The following SGMS1 variants were observed in gnomAD, a reference collection of about 807,000 sequenced individuals.
SGMS1 encodes the protein phosphatidylcholine:ceramide cholinephosphotransferase 1.
Under a neutral mutation model 46.2 loss-of-function variants are expected in SGMS1, and 13 were observed. The observed-to-expected ratio is 0.28, with a 90% CI of 0.18 to 0.45. The LOEUF (loss-of-function observed/expected upper bound fraction) is 0.45, where lower values mean the gene tolerates loss of function less well. Ranked by LOEUF, SGMS1 falls within the 20% of genes least tolerant of loss-of-function variation. SGMS1 has a pLI of 1.00. For synonymous variants in SGMS1, 203 were observed against 187.8 expected (o/e 1.08, Z -0.66); for missense variants, 324 against 519.9 (o/e 0.62, Z 3.66).
At chr10:50,478,865 G>A (rs781233848) in intron 3 of SGMS1, among the ~76,000 whole-genome samples, 7 of 151,996 alleles carry the variant, frequency 4.6e-5, no homozygotes, top group Non-Finnish European at 7.4e-5. Context: ...TAACCACATA[G>A]TGTACTTAGA....
chr10:50,307,359 TCTTTCA>T lies in SGMS1; in HGVS notation c.1063-44_1063-39del, dbSNP rs770874274. On this transcript the variant is annotated intron_variant, in intron 10 of 10. Coordinates refer to ENST00000361781, the MANE Select transcript of SGMS1 (RefSeq NM_147156.4). This position sits in a 1 kb window ranked among gnomAD's most constrained non-coding sequence, Gnocchi z 4.2. ...AGAAACATAAACACATTTCTTACAA[TCTTTCA>T]CTTTAAGTTCAAATACTTGCCACGC... is the stretch of plus-strand genomic sequence containing the variant. The T allele has an allele frequency of 4.7e-5, 75 of 1,581,766 alleles. No homozygotes were observed. The highest frequency in any genetic ancestry group is 6.3e-5 in the Non-Finnish European group (73 of 1,158,658).
intron 7 of SGMS1, 62 bp downstream of exon 7, chr10:50,343,430 A>G: frequency 6.9e-7 from 1 of 1,459,558 alleles, no homozygotes; most frequent in Non-Finnish European, 9.1e-7. Flanking sequence ...TATAAATAAT[A>G]AGTAGATGTT....
chr10:50,484,708 G>C (rs1461816563), intron 3 of SGMS1, among the ~76,000 whole-genome samples: 1 of 152,136 alleles, frequency 6.6e-6, no homozygotes, highest in Non-Finnish European at 1.5e-5. Context: ...TGATCGAGCT[G>C]GCTTCATCCC....
chr10:50,524,908 G>T (rs908804170), intron 2 of SGMS1, among the ~76,000 whole-genome samples: 2 of 152,074 alleles, frequency 1.3e-5, no homozygotes, highest in Admixed American at 1.3e-4. Context: ...TCAGAAGAGG[G>T]TGCAAAAAGA....
At chr10:50,555,194 A>C (rs1048290130) in intron 2 of SGMS1, among the ~76,000 whole-genome samples, 1 of 152,264 alleles carries the variant, frequency 6.6e-6, no homozygotes, top group African/African-American at 2.4e-5. Context: ...CTTGGAACAA[A>C]GTAATGAATT....
intron 2 of SGMS1, among the ~76,000 whole-genome samples, chr10:50,528,613 AG>A (rs1208289822): frequency 1.3e-5 from 2 of 152,236 alleles, no homozygotes; most frequent in African/African-American, 4.8e-5. Context: ...GCTTTAAAGA[AG>A]CCTAGGCTGG....
chr10:50,341,967 C>T (rs903327976), intron 7 of SGMS1, among the ~76,000 whole-genome samples: 1 of 152,146 alleles, frequency 6.6e-6, no homozygotes, highest in Non-Finnish European at 1.5e-5. Flanking sequence ...ACTGTTAAGA[C>T]TTACTCAAAG....
At chr10:50,449,018 T>A (rs973033936) in intron 5 of SGMS1, among the ~76,000 whole-genome samples, 2 of 152,158 alleles carry the variant, frequency 1.3e-5, no homozygotes, top group Non-Finnish European at 2.9e-5. Flanking sequence ...TACCACTACA[T>A]ACCTATTGAA....
intron 3 of SGMS1, among the ~76,000 whole-genome samples, chr10:50,489,898 C>G (rs1837553629): frequency 6.6e-6 from 1 of 152,164 alleles, no homozygotes. Flanking sequence ...GGCTTGAACC[C>G]AGGAGGTGGA....
At chr10:50,453,250 T>C (rs1042288234) in intron 5 of SGMS1, among the ~76,000 whole-genome samples, 1 of 152,006 alleles carries the variant, frequency 6.6e-6, no homozygotes, top group African/African-American at 2.4e-5. Flanking sequence ...AGTAAAATTT[T>C]ATCTGAAAAA....
chr10:50,321,495 A>C (rs1191648276), intron 8 of SGMS1, among the ~76,000 whole-genome samples: 1 of 152,260 alleles, frequency 6.6e-6, no homozygotes. Context: ...AAGGAAAAGC[A>C]AAGAACAGAT....
intron 6 of SGMS1, among the ~76,000 whole-genome samples, chr10:50,432,391 T>C (rs1382341562): frequency 6.6e-6 from 1 of 152,206 alleles, no homozygotes; most frequent in Non-Finnish European, 1.5e-5. Flanking sequence ...GTAGAAACTA[T>C]ATAATGCTGT....
intron 6 of SGMS1, among the ~76,000 whole-genome samples, chr10:50,395,684 G>C (rs1375502527): frequency 6.6e-6 from 1 of 152,210 alleles, no homozygotes; most frequent in Non-Finnish European, 1.5e-5. Context: ...TGCAAAATTA[G>C]AGGTGGTTGA....
intron 4 of SGMS1, among the ~76,000 whole-genome samples, chr10:50,461,926 A>C (rs1439037322): frequency 6.6e-6 from 1 of 152,202 alleles, no homozygotes; most frequent in African/African-American, 2.4e-5. Context: ...ACATAGGTAC[A>C]AAGAAAGCAG....
At chr10:50,584,249 C>G (rs1176926565) in intron 2 of SGMS1, among the ~76,000 whole-genome samples, 3 of 152,098 alleles carry the variant, frequency 2.0e-5, no homozygotes, top group African/African-American at 7.2e-5. Context: ...CCTGTAATCC[C>G]AGCACTTTGG....
intron 2 of SGMS1, among the ~76,000 whole-genome samples, chr10:50,567,313 A>G (rs189752284): frequency 6.6e-6 from 1 of 152,236 alleles, no homozygotes; most frequent in Admixed American, 6.5e-5. Flanking sequence ...TTTTCAACCC[A>G]TAGCTGGTTG....
chr10:50,339,008 G>A (rs1334126566), intron 7 of SGMS1, among the ~76,000 whole-genome samples: 1 of 152,182 alleles, frequency 6.6e-6, no homozygotes, highest in Non-Finnish European at 1.5e-5. Context: ...AAAGTGCTGG[G>A]ATTACAGGCG....
intron 6 of SGMS1, among the ~76,000 whole-genome samples, chr10:50,349,144 A>C (rs1275188970): frequency 6.6e-6 from 1 of 152,258 alleles, no homozygotes; most frequent in Admixed American, 6.5e-5. Context: ...GAGACAAATT[A>C]ATGGCTTCTA....
At chr10:50,418,160 G>GC (rs1262183848) in intron 6 of SGMS1, 1 of 152,132 alleles carries the variant, frequency 6.6e-6, no homozygotes. Context: ...AGCCAGCCCT[G>GC]GCGCGGGCGG....
Sources: allele counts gnomAD v4.1 joint callset (sites outside exome capture counted in the v4.1 genomes callset), GRCh38; gene constraint gnomAD v4.1.1; non-coding constraint Gnocchi (gnomAD v3.1); transcripts MANE v1.5; gene names NCBI Gene and HGNC (gene_info 2026-07-23, HGNC 2026-07-21).